The following ACP3 variants were observed in gnomAD, a reference collection of about 807,000 sequenced individuals.
ACP3 encodes acid phosphatase 3.
A neutral mutation model predicts 45.6 loss-of-function variants in ACP3; 38 were observed. The ratio of observed to expected loss-of-function variants is 0.83; its 90% CI spans 0.64 to 1.09. ACP3 has a LOEUF of 1.09. Ranked by LOEUF, ACP3 falls within the 50% of genes least tolerant of loss-of-function variation. The pLI is 0.00. For missense variants in ACP3, 466 were observed against 463.2 expected (o/e 1.01, Z -0.05); for synonymous variants, 162 against 164.7 (o/e 0.98, Z 0.13).
chr3:132,342,708 A>C, intron 6 of ACP3, 64 bp downstream of exon 6: 1 of 968,872 alleles, frequency 1.0e-6, no homozygotes, highest in Non-Finnish European at 1.6e-6. Flanking sequence ...CTTATTTTGA[A>C]ATAGATGAAT....
chr3:132,359,236 G>C (rs1937986839), downstream of ACP3, among the ~76,000 whole-genome samples: 1 of 152,240 alleles, frequency 6.6e-6, no homozygotes, highest in Non-Finnish European at 1.5e-5. Flanking sequence ...TTTGAGGCCA[G>C]GCGAGGTGGC....
chr3:132,365,247 A>G (rs1938110894), intron 10 of ACP3, among the ~76,000 whole-genome samples: 1 of 152,254 alleles, frequency 6.6e-6, no homozygotes, highest in Non-Finnish European at 1.5e-5. Flanking sequence ...AGGGATAGAT[A>G]ACAAATAATA....
At position 132,352,602 on chromosome 3, in the gene ACP3, C is replaced by T. The variant is rs1020561586; in HGVS notation, c.865-118C>T. ...ATCTTTCCTTCTCTACTTATTAAGT[C>T]ATTGTGGGCGTATGGGAAATTTAAT... On this transcript the variant is annotated intron_variant, in intron 8 of 9. Transcript: ENST00000336375. 1.1e-5 allele frequency: 8 copies of T among 708,448 alleles called. No homozygotes were observed. In the African/African-American group the frequency reaches 1.2e-4, roughly 11 times the overall value. 43.9% of individuals were successfully genotyped at this position (708,448 alleles called of 1,614,324 possible). A position where few individuals can be genotyped will look rare whatever the true frequency, so the allele number is the denominator to read the frequency against.
intron 7 of ACP3, 103 bp from the exon 8 acceptor site, chr3:132,349,817 T>A: frequency 1.4e-6 from 1 of 740,708 alleles, no homozygotes; most frequent in Non-Finnish European, 2.4e-6. Context: ...TCTTCTTAAG[T>A]CATGGCAGGG....
chr3:132,354,454 C>T (rs1202760700), intron 9 of ACP3, among the ~76,000 whole-genome samples: 1 of 152,108 alleles, frequency 6.6e-6, no homozygotes, highest in Admixed American at 6.5e-5. Flanking sequence ...CCAAGGGCCA[C>T]GTAAAGGTCA....
At chr3:132,349,587 C>T (rs1452847056) in intron 7 of ACP3, among the ~76,000 whole-genome samples, 1 of 152,162 alleles carries the variant, frequency 6.6e-6, no homozygotes, top group Non-Finnish European at 1.5e-5. Flanking sequence ...GCTTATCAGC[C>T]TCCTAACCTG....
chr3:132,326,151 A>G (rs11716607), intron 1 of ACP3, among the ~76,000 whole-genome samples: 16,955 of 152,176 alleles, frequency 0.11, 1,163 homozygotes, highest in Non-Finnish European at 0.15. Flanking sequence ...TGTTACTGGC[A>G]TCCGGTGGGT....
chr3:132,335,205 C>T (rs310001), intron 4 of ACP3, among the ~76,000 whole-genome samples: 102,816 of 152,108 alleles, frequency 0.68, 35,299 homozygotes, highest in East Asian at 0.94. Context: ...GCAATGGACA[C>T]AAAAGAAACC....
intron 5 of ACP3, 130 bp from the exon 6 acceptor site, chr3:132,342,422 G>A (rs924323579): frequency 1.7e-6 from 1 of 600,730 alleles, no homozygotes; most frequent in Non-Finnish European, 2.9e-6. Flanking sequence ...GCAGAGGCCA[G>A]GATACTGTGA....
Position 132,328,350 on chromosome 3 carries a change from C to A in ACP3, c.204C>A (p.Gly68=), listed in dbSNP as rs202047976. The change falls in exon 2 of 10, where the codon GGC becomes GGA. Residue 68 remains glycine, a synonymous_variant. Coordinates refer to ENST00000336375, the MANE Select transcript of ACP3 (RefSeq NM_001099.5). The stretch of plus-strand genomic sequence containing the variant: ...AATCCTCATGGCCACAAGGATTTGG[C>A]CAACTCACCCAGGTTGGTTGGACTT... ...IKESSWPQGF[G]QLTQLGMEQH... 3.1e-5 allele frequency: 50 copies of A among 1,613,234 alleles called. No homozygotes were observed. Among genetic ancestry groups the A allele is most frequent in the Non-Finnish European group, 4.1e-5 (48 of 1,179,512 alleles).
intron 5 of ACP3, among the ~76,000 whole-genome samples, chr3:132,338,926 T>C (rs1467911606): frequency 2.0e-5 from 3 of 152,286 alleles, no homozygotes; most frequent in East Asian, 3.9e-4. Context: ...GTTTGTTATA[T>C]AGGTAAACAT....
intron 5 of ACP3, among the ~76,000 whole-genome samples, chr3:132,341,492 T>A (rs914602499): frequency 6.6e-6 from 1 of 152,246 alleles, no homozygotes; most frequent in Non-Finnish European, 1.5e-5. Context: ...TTTCCTTTTA[T>A]GTGACATTGA....
chr3:132,329,075 G>T (rs1459216646), intron 2 of ACP3, among the ~76,000 whole-genome samples: 2 of 152,146 alleles, frequency 1.3e-5, no homozygotes, highest in East Asian at 3.9e-4. Flanking sequence ...AAGGTGAACT[G>T]GGGAGCAAAG....
intron 2 of ACP3, among the ~76,000 whole-genome samples, chr3:132,330,637 G>A (rs1210690936): frequency 6.6e-6 from 1 of 152,094 alleles, no homozygotes; most frequent in East Asian, 1.9e-4. Flanking sequence ...TTCCCACCTT[G>A]TCCCTATCGT....
At chr3:132,361,496 T>G (rs1938039562), downstream of ACP3, among the ~76,000 whole-genome samples, 2 of 152,198 alleles carry the variant, frequency 1.3e-5, no homozygotes, top group South Asian at 4.1e-4. Context: ...GTCAGTCACA[T>G]GGTTTTTTCA....
At chr3:132,337,026 A>G (rs540220232) in intron 4 of ACP3, among the ~76,000 whole-genome samples, 1 of 152,024 alleles carries the variant, frequency 6.6e-6, no homozygotes, top group East Asian at 1.9e-4. Context: ...GATTTTTTCC[A>G]GAATCAAATT....
At chr3:132,358,855 T>C (rs777060166), downstream of ACP3, 2 of 985,030 alleles carry the variant, frequency 2.0e-6, no homozygotes, top group Non-Finnish European at 2.4e-6. Context: ...CCCTTTGTGT[T>C]TGGGGTTTTT....
chr3:132,324,926 C>A (rs1229363182), intron 1 of ACP3, among the ~76,000 whole-genome samples: 1 of 152,178 alleles, frequency 6.6e-6, no homozygotes, highest in African/African-American at 2.4e-5. Context: ...TAGGCATGAG[C>A]CACTGTGCCT....
intron 4 of ACP3, among the ~76,000 whole-genome samples, chr3:132,335,468 C>G (rs909153949): frequency 1.3e-5 from 2 of 152,170 alleles, no homozygotes; most frequent in African/African-American, 4.8e-5. Context: ...TTCTGAGTAG[C>G]TACTAATATG....
Sources: allele counts gnomAD v4.1 joint callset (sites outside exome capture counted in the v4.1 genomes callset), GRCh38; gene constraint gnomAD v4.1.1; transcripts MANE v1.5; gene names NCBI Gene and HGNC (gene_info 2026-07-23, HGNC 2026-07-21).